ULK4: variants seen among roughly 807,000 people sequenced by gnomAD.
ULK4 encodes unc-51 like kinase 4, also known as inactive serine/threonine-protein kinase ULK4.
Under a neutral mutation model 160.6 loss-of-function variants are expected in ULK4, and 133 were observed. That is an observed-to-expected ratio of 0.83 (90% CI 0.72 to 0.96). The LOEUF (loss-of-function observed/expected upper bound fraction) is 0.96. Ranked by LOEUF, ULK4 falls within the 40% of genes least tolerant of loss-of-function variation. The pLI is 0.00. For synonymous variants in ULK4, 534 were observed against 539.8 expected, an observed-to-expected ratio of 0.99 and a Z score of 0.15; for missense variants, 1,580 against 1,499.5, an observed-to-expected ratio of 1.05 and a Z score of -0.89.
intron 17 of ULK4, among the ~76,000 whole-genome samples, chr3:41,873,776 C>T (rs1419715616): frequency 6.6e-6 from 1 of 152,092 alleles, no homozygotes; most frequent in Admixed American, 6.6e-5. Flanking sequence ...TGGTCTCAAA[C>T]TCCTGACCTC....
intron 32 of ULK4, among the ~76,000 whole-genome samples, chr3:41,560,271 T>C (rs1478375478): frequency 2.6e-5 from 4 of 152,222 alleles, no homozygotes; most frequent in Non-Finnish European, 5.9e-5. Flanking sequence ...TGTAGCCTTG[T>C]AGTCCAGTTT....
intron 34 of ULK4, among the ~76,000 whole-genome samples, chr3:41,415,585 C>T (rs1291689940): frequency 6.6e-6 from 1 of 152,112 alleles, no homozygotes; most frequent in Non-Finnish European, 1.5e-5. Flanking sequence ...TGCCTATTTT[C>T]AAAAGGGTGC....
At chr3:41,338,566 A>G (rs1296908828) in intron 35 of ULK4, among the ~76,000 whole-genome samples, 1 of 152,140 alleles carries the variant, frequency 6.6e-6, no homozygotes, top group East Asian at 1.9e-4. Flanking sequence ...AATAAAAGCC[A>G]TTATTTAAAA....
chr3:41,774,346 A>G (rs1410535205), intron 21 of ULK4, among the ~76,000 whole-genome samples: 2 of 150,674 alleles, frequency 1.3e-5, no homozygotes, highest in Non-Finnish European at 2.9e-5. Flanking sequence ...TAATATCCAG[A>G]ATCTACAATG....
At chr3:41,405,278 C>A (rs1031562193) in intron 34 of ULK4, among the ~76,000 whole-genome samples, 16 of 152,136 alleles carry the variant, frequency 1.1e-4, no homozygotes, top group African/African-American at 3.6e-4. Flanking sequence ...GCCTCCAACT[C>A]CATCCATGTT....
At chr3:41,607,422 A>C (rs553224788) in intron 31 of ULK4, among the ~76,000 whole-genome samples, 1 of 152,314 alleles carries the variant, frequency 6.6e-6, no homozygotes, top group South Asian at 2.1e-4. Flanking sequence ...CTCATAATGA[A>C]AAGTAAACAA....
intron 27 of ULK4, among the ~76,000 whole-genome samples, chr3:41,683,158 T>G (rs1217172028): frequency 1.3e-5 from 2 of 152,138 alleles, no homozygotes; most frequent in African/African-American, 2.4e-5. Flanking sequence ...GCTTTAGTCA[T>G]GCTATATTGT....
rs573849677 is a variant in ULK4 at position 41,807,052 on chromosome 3, C to G, written c.1849-6759G>C. On this transcript the variant is annotated intron_variant, in intron 19 of 36. Transcript: ENST00000301831. ...CTGAGGTAGGAGGATGGCTTGATCCCAGGAGGCAGAGGTTGCAGTGAGCCG... is the reference window on the plus strand; with the variant it reads ...CTGAGGTAGGAGGATGGCTTGATCCGAGGAGGCAGAGGTTGCAGTGAGCCG... Among the ~76,000 whole-genome samples, 3 of 151,996 alleles carry G rather than the reference C, an allele frequency of 2.0e-5. No individual in the cohort carries two copies. The South Asian group carries it at 6.2e-4, about 32-fold the overall frequency.
At chr3:41,633,999 C>T (rs184409662) in intron 30 of ULK4, among the ~76,000 whole-genome samples, 1 of 152,324 alleles carries the variant, frequency 6.6e-6, no homozygotes. Context: ...AAAACCAGCA[C>T]TGAACCTTAC....
chr3:41,902,588 G>GAAAA (rs537842940), intron 12 of ULK4, among the ~76,000 whole-genome samples: 2 of 94,762 alleles, frequency 2.1e-5, no homozygotes, highest in Non-Finnish European at 4.4e-5. Context: ...AAAAAAAAAA[G>GAAAA]AAAAAAAAAA....
chr3:41,631,578 G>T (rs2033743035), intron 30 of ULK4, among the ~76,000 whole-genome samples: 1 of 152,130 alleles, frequency 6.6e-6, no homozygotes, highest in African/African-American at 2.4e-5. Flanking sequence ...CCAACAGAAT[G>T]GAGATTTTAA....
At chr3:41,641,798 GTAAT>G (rs2034209253) in intron 30 of ULK4, among the ~76,000 whole-genome samples, 1 of 149,286 alleles carries the variant, frequency 6.7e-6, no homozygotes, top group South Asian at 2.1e-4. Flanking sequence ...CCCAAGAAGA[GTAAT>G]TGTTTCCTAA....
chr3:41,910,653 C>T (rs991509451), intron 11 of ULK4, among the ~76,000 whole-genome samples: 2 of 151,866 alleles, frequency 1.3e-5, no homozygotes, highest in Non-Finnish European at 2.9e-5. Context: ...AAAAACAGAA[C>T]CTCTTCTTTT....
chr3:41,931,485 A>AAAAAG lies in ULK4; in HGVS notation c.541+358_541+359insCTTTT, dbSNP rs747998907. 5.1e-3 allele frequency among the ~76,000 whole-genome samples: 771 copies of AAAAAG among 151,948 alleles called. 1 individual carries two copies. Among genetic ancestry groups the AAAAAG allele is most frequent in the Middle Eastern group, 0.02 (6 of 294 alleles). On this transcript the variant is annotated intron_variant, in intron 5 of 36. Transcript: ENST00000301831. ...CCCTAGAACTTAAAAAAAAAAAAAA[A>AAAAAG]AAAGAAAGAAATATGTTTCAACTGC...
At chr3:41,294,489 C>A (rs770613654) in intron 35 of ULK4, among the ~76,000 whole-genome samples, 13 of 152,208 alleles carry the variant, frequency 8.5e-5, no homozygotes, top group South Asian at 8.3e-4. Flanking sequence ...CTTTGTGTAC[C>A]ATGTTTAAGA....
chr3:41,585,303 G>A lies in ULK4; in HGVS notation c.3121-19173C>T, dbSNP rs563380016. 4.6e-5 allele frequency among the ~76,000 whole-genome samples: 7 copies of A among 152,282 alleles called. No homozygotes were observed. In the East Asian group the frequency reaches 1.4e-3, roughly 29 times the overall value. On this transcript the variant is annotated intron_variant, in intron 31 of 36. Coordinates refer to ENST00000301831, the MANE Select transcript of ULK4 (RefSeq NM_017886.4). ...AAACAACAGTAATCAAGACAGTACT[G>A]TACTGGCATAAACACAGACATATAA... is the stretch of plus-strand genomic sequence containing the variant.
At chr3:41,577,171 T>C (rs908287394) in intron 31 of ULK4, among the ~76,000 whole-genome samples, 3 of 152,086 alleles carry the variant, frequency 2.0e-5, no homozygotes, top group South Asian at 4.1e-4. Flanking sequence ...TTTTAAAGAA[T>C]GTAAAAGCAC....
intron 27 of ULK4, among the ~76,000 whole-genome samples, chr3:41,697,771 G>A (rs1388844175): frequency 6.6e-6 from 1 of 152,010 alleles, no homozygotes; most frequent in Non-Finnish European, 1.5e-5. Context: ...GTGAAGATGT[G>A]AGCCTCTGTG....
At chr3:41,878,081 GAAAAA>G (rs35037891) in intron 17 of ULK4, among the ~76,000 whole-genome samples, 2 of 108,290 alleles carry the variant, frequency 1.8e-5, no homozygotes, top group African/African-American at 3.2e-5. Flanking sequence ...GCTCTACCAG[GAAAAA>G]AAAAAAAAAA....
Sources: gnomAD v4.1 joint callset for allele counts (sites outside exome capture counted in the v4.1 genomes callset) on GRCh38, gnomAD v4.1.1 for gene constraint, MANE v1.5 for transcripts, NCBI Gene and HGNC (gene_info 2026-07-23, HGNC 2026-07-21) for gene names.